GAS2: variants seen among roughly 807,000 people sequenced by gnomAD.
GAS2 encodes the protein growth arrest-specific protein 2.
GAS2 carries 20 observed loss-of-function variants against 37.5 expected under a neutral mutation model. That is an observed-to-expected ratio of 0.53 (90% CI 0.37 to 0.77). The LOEUF (loss-of-function observed/expected upper bound fraction) is 0.77. Among genes scored for constraint, GAS2 ranks in the 30% least tolerant of loss-of-function variants. The pLI is 0.00. For synonymous variants in GAS2, 144 were observed against 132.2 expected (o/e 1.09, Z -0.61); for missense variants, 336 against 373.4 (o/e 0.90, Z 0.82).
intron 7 of GAS2, among the ~76,000 whole-genome samples, chr11:22,770,930 G>A (rs1367501907): frequency 6.6e-6 from 1 of 152,098 alleles, no homozygotes; most frequent in Non-Finnish European, 1.5e-5. Flanking sequence ...TTTCAGTAGG[G>A]TCTTCATGGT....
intron 1 of GAS2, among the ~76,000 whole-genome samples, chr11:22,652,906 T>G (rs1334247963): frequency 2.0e-5 from 3 of 152,232 alleles, no homozygotes; most frequent in African/African-American, 7.2e-5. Flanking sequence ...CTGGGAGCTG[T>G]AGACCGGAGC....
chr11:22,715,561 T>C (rs1322355686), intron 3 of GAS2, among the ~76,000 whole-genome samples: 1 of 150,274 alleles, frequency 6.7e-6, no homozygotes, highest in Non-Finnish European at 1.5e-5. Flanking sequence ...TTAAGGCTAC[T>C]ATGAACAAGT....
At chr11:22,778,307 T>G (rs1855370725) in intron 7 of GAS2, among the ~76,000 whole-genome samples, 1 of 152,224 alleles carries the variant, frequency 6.6e-6, no homozygotes, top group African/African-American at 2.4e-5. Context: ...TAAATTATTG[T>G]CTAGCTCCTG....
chr11:22,768,149 T>A (rs2134410465), intron 7 of GAS2, among the ~76,000 whole-genome samples: 1 of 152,322 alleles, frequency 6.6e-6, no homozygotes, highest in Non-Finnish European at 1.5e-5. Context: ...CAGAATAAGA[T>A]CTTAAGGAGC....
chr11:22,656,786 A>ATGTG (rs148171455), intron 1 of GAS2, among the ~76,000 whole-genome samples: 141 of 150,572 alleles, frequency 9.4e-4, no homozygotes, highest in African/African-American at 3.2e-3. Context: ...GTTTGTCATG[A>ATGTG]TGTGTGTGTG....
intron 2 of GAS2, among the ~76,000 whole-genome samples, chr11:22,684,752 G>A (rs1590629694): frequency 6.6e-6 from 1 of 152,258 alleles, no homozygotes; most frequent in East Asian, 1.9e-4. Context: ...TGTTTTTGTA[G>A]AAATGGGGTT....
intron 4 of GAS2, among the ~76,000 whole-genome samples, chr11:22,732,322 G>A (rs1157852423): frequency 6.6e-6 from 1 of 151,448 alleles, no homozygotes; most frequent in Admixed American, 6.6e-5. Flanking sequence ...TCAACTCTGG[G>A]GCAAAGGCAA....
Position 22,706,932 on chromosome 11 carries a change from C to T in GAS2, c.268-19360C>T, listed in dbSNP as rs1264612785. The stretch of plus-strand genomic sequence containing the variant: ...CACACTGACTTCCACAATGGTTGAA[C>T]TAGTTTACAGTCCCACCAACAGTGT... On this transcript the variant is annotated intron_variant, in intron 3 of 7. Transcript: ENST00000454584. 2.6e-5 allele frequency among the ~76,000 whole-genome samples: 4 copies of T among 152,084 alleles called. No homozygotes were observed. The East Asian group carries it at 7.7e-4, about 29-fold the overall frequency.
chr11:22,700,583 G>A (rs1235939451), intron 3 of GAS2, among the ~76,000 whole-genome samples: 1 of 152,158 alleles, frequency 6.6e-6, no homozygotes, highest in African/African-American at 2.4e-5. Flanking sequence ...GGATCTTGGA[G>A]GAGGATAATC....
At chr11:22,688,754 TTAGTATA>T (rs1433930208) in intron 3 of GAS2, among the ~76,000 whole-genome samples, 1 of 152,206 alleles carries the variant, frequency 6.6e-6, no homozygotes, top group African/African-American at 2.4e-5. Flanking sequence ...GATAAAGGTT[TTAGTATA>T]AAACCTTAAA....
chr11:22,716,985 A>G (rs974311012), intron 3 of GAS2, among the ~76,000 whole-genome samples: 3 of 152,228 alleles, frequency 2.0e-5, no homozygotes, highest in Non-Finnish European at 4.4e-5. Flanking sequence ...ACACTACGGA[A>G]AGAAATCATA....
At chr11:22,708,663 A>G (rs2134067771) in intron 3 of GAS2, among the ~76,000 whole-genome samples, 1 of 152,278 alleles carries the variant, frequency 6.6e-6, no homozygotes, top group South Asian at 2.1e-4. Context: ...TATTTATTCA[A>G]TAAATGTTTC....
At chr11:22,626,133 AG>A in intron 1 of GAS2, 1 of 345,710 alleles carries the variant, frequency 2.9e-6, no homozygotes, top group South Asian at 2.5e-5. Context: ...AATATCCTTA[AG>A]TAGAAATTTT....
At chr11:22,695,762 A>G (rs962062415) in intron 3 of GAS2, among the ~76,000 whole-genome samples, 3 of 152,172 alleles carry the variant, frequency 2.0e-5, no homozygotes, top group African/African-American at 7.2e-5. Flanking sequence ...ATATTTGTCA[A>G]ACAAATTTGA....
At chr11:22,655,558 A>C (rs1341179732) in intron 1 of GAS2, among the ~76,000 whole-genome samples, 1 of 152,226 alleles carries the variant, frequency 6.6e-6, no homozygotes, top group Non-Finnish European at 1.5e-5. Context: ...ACATCACTGC[A>C]CTTTGTTGAA....
At chr11:22,682,888 GAAAAAA>G (rs57025584) in intron 2 of GAS2, among the ~76,000 whole-genome samples, 15 of 102,380 alleles carry the variant, frequency 1.5e-4, no homozygotes, top group East Asian at 6.7e-4. Context: ...AAAAAAAAAG[GAAAAAA>G]AAAAAAAAAA....
chr11:22,627,044 C>G (rs189201602), intron 1 of GAS2, among the ~76,000 whole-genome samples: 2 of 152,320 alleles, frequency 1.3e-5, no homozygotes, highest in Admixed American at 6.5e-5. Context: ...CCTCCCGCCT[C>G]GGCCTCCCAA....
chr11:22,767,882 C>T (rs76420654), intron 7 of GAS2, among the ~76,000 whole-genome samples: 1 of 152,028 alleles, frequency 6.6e-6, no homozygotes, highest in Non-Finnish European at 1.5e-5. Context: ...TAAGTTTCTA[C>T]ATGACTGGTC....
At position 22,637,287 on chromosome 11, in the gene GAS2, ATAT is replaced by A. The variant is rs1488247942; in HGVS notation, c.-21+11475_-21+11477del. Among the ~76,000 whole-genome samples, 14 of 96,228 alleles carry A rather than the reference ATAT, an allele frequency of 1.5e-4. No homozygotes were observed. The South Asian group carries it at 1.8e-3, about 12-fold the overall frequency. 63.1% of individuals were successfully genotyped at this position (96,228 alleles called of 152,430 possible). ...TATTAATTATATTAATAGTATACTA[ATAT>A]AATATTAATTATATTAATAGTATAC... On this transcript the variant is annotated intron_variant, in intron 1 of 5. Coordinates refer to the GAS2 transcript ENST00000528582.
Sources: gnomAD v4.1 joint callset for allele counts (sites outside exome capture counted in the v4.1 genomes callset) on GRCh38, gnomAD v4.1.1 for gene constraint, MANE v1.5 for transcripts, NCBI Gene and HGNC (gene_info 2026-07-23, HGNC 2026-07-21) for gene names.